Variants in C8orf34 observed in about 807,000 individuals in gnomAD.
The protein encoded by C8orf34 is chromosome 8 open reading frame 34.
In C8orf34, 65 loss-of-function variants were observed where a neutral mutation model predicts 68.3. That is an observed-to-expected ratio of 0.95 (90% CI 0.78 to 1.17). C8orf34 has a LOEUF of 1.17. Among genes scored for constraint, C8orf34 ranks in the 50% most tolerant of loss-of-function variants. The probability of loss-of-function intolerance (pLI) is 0.00; values close to 1 mark genes in which losing one functional copy is unlikely to be tolerated. For synonymous variants in C8orf34, 244 were observed against 241.2 expected (o/e 1.01, Z -0.11); for missense variants, 664 against 655.4 (o/e 1.01, Z -0.14).
At chr8:68,592,547 T>G (rs1188889937) in intron 7 of C8orf34, among the ~76,000 whole-genome samples, 1 of 151,776 alleles carries the variant, frequency 6.6e-6, no homozygotes, top group Non-Finnish European at 1.5e-5. Flanking sequence ...TGTTAGTTTT[T>G]TTCTGTAGCA....
chr8:68,803,669 A>G (rs543889886), intron 12 of C8orf34, among the ~76,000 whole-genome samples: 7 of 152,198 alleles, frequency 4.6e-5, no homozygotes, highest in African/African-American at 1.4e-4. Flanking sequence ...TTGTTTTTAA[A>G]TATGCTTTGA....
At chr8:68,397,992 C>T (rs1024814280) in intron 1 of C8orf34, among the ~76,000 whole-genome samples, 1 of 152,108 alleles carries the variant, frequency 6.6e-6, no homozygotes, top group African/African-American at 2.4e-5. Context: ...TGGTCTCGAA[C>T]TCCTGGCCTT....
At chr8:68,556,118 A>G (rs1239631915) in intron 7 of C8orf34, among the ~76,000 whole-genome samples, 1 of 152,134 alleles carries the variant, frequency 6.6e-6, no homozygotes, top group Non-Finnish European at 1.5e-5. Context: ...TTGAAAAACA[A>G]GTAGCAAACC....
chr8:68,753,683 T>A (rs1020386576), intron 10 of C8orf34, among the ~76,000 whole-genome samples: 1 of 152,230 alleles, frequency 6.6e-6, no homozygotes, highest in African/African-American at 2.4e-5. Context: ...ACATTTTATG[T>A]GACCCTCTTT....
intron 1 of C8orf34, among the ~76,000 whole-genome samples, chr8:68,396,173 C>T (rs546811528): frequency 1.3e-5 from 2 of 152,062 alleles, no homozygotes; most frequent in African/African-American, 4.8e-5. Context: ...CAATAGAAGA[C>T]ATATTTTATT....
intron 11 of C8orf34, among the ~76,000 whole-genome samples, chr8:68,786,309 T>C (rs1000827411): frequency 6.6e-6 from 1 of 152,224 alleles, no homozygotes; most frequent in African/African-American, 2.4e-5. Context: ...CTCTCCTTTC[T>C]TTTCTTCGTT....
intron 10 of C8orf34, among the ~76,000 whole-genome samples, chr8:68,757,107 A>C (rs1174935055): frequency 1.3e-5 from 2 of 152,230 alleles, no homozygotes; most frequent in Non-Finnish European, 2.9e-5. Context: ...TTCCGTTTTA[A>C]AGTCTTGCTG....
chr8:68,453,122 A>G (rs751275450), intron 3 of C8orf34, among the ~76,000 whole-genome samples: 2 of 151,988 alleles, frequency 1.3e-5, no homozygotes, highest in African/African-American at 2.4e-5. Flanking sequence ...CCATTAAGCT[A>G]TATGTTTATC....
At chr8:68,416,598 C>T (rs1344650159) in intron 1 of C8orf34, among the ~76,000 whole-genome samples, 2 of 151,940 alleles carry the variant, frequency 1.3e-5, no homozygotes, top group Non-Finnish European at 2.9e-5. Flanking sequence ...GTGGCACGAT[C>T]TCAGCTCACT....
rs1281706513 is a variant in C8orf34, at chr8:68,460,051, A to T, written c.608-8641A>T. 2.6e-5 allele frequency among the ~76,000 whole-genome samples: 4 copies of T among 152,200 alleles called. No individual in the cohort carries two copies. In the South Asian group the frequency reaches 6.2e-4, roughly 24 times the overall value. On this transcript the variant is annotated intron_variant, in intron 3 of 13. Coordinates refer to ENST00000518698, the MANE Select transcript of C8orf34 (RefSeq NM_052958.4). The stretch of plus-strand genomic sequence containing the variant: ...CCTTTCCTAGTCAAAGAAAGGGGTG[A>T]CAGACGGCACCTGGAAAATCGGGTC...
intron 8 of C8orf34, among the ~76,000 whole-genome samples, chr8:68,659,966 A>C (rs1252185838): frequency 6.6e-6 from 1 of 152,340 alleles, no homozygotes; most frequent in Non-Finnish European, 1.5e-5. Flanking sequence ...AACACAATTG[A>C]CAAATAAATT....
chr8:68,455,538 A>C (rs1811509246), intron 3 of C8orf34, among the ~76,000 whole-genome samples: 1 of 151,904 alleles, frequency 6.6e-6, no homozygotes, highest in South Asian at 2.1e-4. Flanking sequence ...ATTTTGTTTG[A>C]TATTAGGGCA....
intron 2 of C8orf34, among the ~76,000 whole-genome samples, chr8:68,441,657 C>T (rs1234412522): frequency 1.3e-5 from 2 of 152,268 alleles, no homozygotes; most frequent in African/African-American, 4.8e-5. Context: ...AATCACCACG[C>T]CCTGCTGGCA....
At chr8:68,759,355 A>G (rs1822961510) in intron 10 of C8orf34, among the ~76,000 whole-genome samples, 1 of 152,246 alleles carries the variant, frequency 6.6e-6, no homozygotes, top group Admixed American at 6.5e-5. Flanking sequence ...TAAAAACAAC[A>G]GTAGAGGATC....
rs547136792 is a variant in C8orf34, at chr8:68,684,781, T to C, written c.1242-24213T>C. 3.3e-5 allele frequency among the ~76,000 whole-genome samples: 5 copies of C among 150,378 alleles called. No individual in the cohort carries two copies. In the East Asian group the frequency reaches 5.8e-4, roughly 17 times the overall value. On this transcript the variant is annotated intron_variant, in intron 8 of 13. Coordinates refer to ENST00000518698, the MANE Select transcript of C8orf34 (RefSeq NM_052958.4). ...TTTTAGAAAAAAAATTATAGGCTGC[T>C]TATTAAAAAAAAAATATTTTTTTTA... is the stretch of plus-strand genomic sequence containing the variant.
At chr8:68,332,615 A>G (rs900899442) in intron 1 of C8orf34, among the ~76,000 whole-genome samples, 9 of 152,120 alleles carry the variant, frequency 5.9e-5, no homozygotes, top group African/African-American at 2.2e-4. Flanking sequence ...CTGCAAAAAA[A>G]GGGCGCGGAG....
rs560426773 is a variant in C8orf34 at position 68,814,829 on chromosome 8, G to A, written c.1550-1057G>A. On this transcript the variant is annotated intron_variant, in intron 12 of 13. Coordinates refer to ENST00000518698, the MANE Select transcript of C8orf34 (RefSeq NM_052958.4). ...CGAGTTGAAGTAGCACTTAACCAAT[G>A]AATGCTTTATAGGATTTTTAAAAGT... Among the ~76,000 whole-genome samples, 215 of 152,236 alleles carry A rather than the reference G, an allele frequency of 1.4e-3. 1 individual carries two copies. The highest frequency in any genetic ancestry group is 4.1e-3 in the African/African-American group (172 of 41,568).
chr8:68,394,117 T>G (rs1364476173), intron 1 of C8orf34, among the ~76,000 whole-genome samples: 2 of 151,986 alleles, frequency 1.3e-5, no homozygotes, highest in African/African-American at 4.8e-5. Flanking sequence ...CTTTAAGTTT[T>G]AGGGTACATG....
At chr8:68,467,036 A>C (rs1467643473) in intron 3 of C8orf34, among the ~76,000 whole-genome samples, 1 of 151,924 alleles carries the variant, frequency 6.6e-6, no homozygotes, top group African/African-American at 2.4e-5. Flanking sequence ...CCTAACCTGC[A>C]ATCACTTTCA....
Sources: allele counts gnomAD v4.1 joint callset (sites outside exome capture counted in the v4.1 genomes callset), GRCh38; gene constraint gnomAD v4.1.1; transcripts MANE v1.5; gene names NCBI Gene and HGNC (gene_info 2026-07-23, HGNC 2026-07-21).